The following MEF2C variants were observed in gnomAD, a reference collection of about 807,000 sequenced individuals.
MEF2C encodes the protein myocyte enhancer factor 2C.
Under a neutral mutation model 50.5 loss-of-function variants are expected in MEF2C, and 6 were observed. That is an observed-to-expected ratio of 0.12 (90% CI 0.07 to 0.23). MEF2C has a LOEUF of 0.23. Among genes scored for constraint, MEF2C ranks in the 10% least tolerant of loss-of-function variants. The pLI, the probability that MEF2C is intolerant of heterozygous loss-of-function variation, is 1.00. For synonymous variants in MEF2C, 183 were observed against 228.0 expected, an observed-to-expected ratio of 0.80 and a Z score of 1.78; for missense variants, 276 against 605.0, an observed-to-expected ratio of 0.46 and a Z score of 5.70.
In MEF2C at chr5:88,719,466, A is replaced by T. The variant is rs746315132; in HGVS notation, c.*3138T>A. On this transcript the variant is annotated 3_prime_UTR_variant, in exon 11 of 11. Transcript: ENST00000504921. ...ATTACCAAAAATCTTTTAAAATAGGATTAGATATAACAATACTCGCAGCCG... is the reference window on the plus strand; with the variant it reads ...ATTACCAAAAATCTTTTAAAATAGGTTTAGATATAACAATACTCGCAGCCG... 2.6e-5 allele frequency: 4 copies of T among 152,334 alleles called. No homozygotes were observed. Among genetic ancestry groups the T allele is most frequent in the Non-Finnish European group, 4.4e-5 (3 of 68,018 alleles). The allele number at this position is 152,334 out of a possible 1,614,324, so 9.4% of individuals were successfully genotyped here. A position where few individuals can be genotyped will look rare whatever the true frequency, so the allele number is the denominator to read the frequency against.
intron 4 of MEF2C, among the ~76,000 whole-genome samples, chr5:88,757,013 T>G (rs1010175632): frequency 7.0e-4 from 106 of 152,140 alleles, no homozygotes; most frequent in African/African-American, 2.4e-3. Flanking sequence ...TATTAAGAAC[T>G]TCAAGACAAT....
intron 6 of MEF2C, chr5:88,746,379 T>C (rs1769579188): frequency 5.2e-6 from 2 of 382,864 alleles, no homozygotes; most frequent in Non-Finnish European, 7.2e-6. Flanking sequence ...TTTTAGTATT[T>C]ATAGGCACAA....
intron 1 of MEF2C, chr5:88,844,678 TA>T (rs1398044473): frequency 1.6e-6 from 1 of 616,026 alleles, no homozygotes; most frequent in African/African-American, 2.0e-5. Context: ...AATGCACTTC[TA>T]TTTAAAGTCA....
chr5:88,744,011 G>A (rs953747890), intron 6 of MEF2C: 1 of 965,478 alleles, frequency 1.0e-6, no homozygotes, highest in East Asian at 1.2e-4. Context: ...ATTCCTAAAG[G>A]TTTTTCATTT....
intron 1 of MEF2C, among the ~76,000 whole-genome samples, chr5:88,833,197 A>T (rs1813720267): frequency 6.6e-6 from 1 of 152,170 alleles, no homozygotes; most frequent in African/African-American, 2.4e-5. Context: ...AAAATTCAAA[A>T]TATTTGTTAC....
chr5:88,885,879 A>C (rs981201374), upstream of MEF2C, among the ~76,000 whole-genome samples: 1 of 152,192 alleles, frequency 6.6e-6, no homozygotes, highest in East Asian at 1.9e-4. Flanking sequence ...TCTGTTTACC[A>C]CAGTACACTT....
chr5:88,875,293 A>G (rs556659357), intron 1 of MEF2C, among the ~76,000 whole-genome samples: 1 of 152,086 alleles, frequency 6.6e-6, no homozygotes, highest in African/African-American at 2.4e-5. Flanking sequence ...CTCCCCCTGT[A>G]CTCTCTATTT....
chr5:88,898,083 AT>A (rs904226856), intron 1 of MEF2C, among the ~76,000 whole-genome samples: 5 of 151,434 alleles, frequency 3.3e-5, no homozygotes, highest in Non-Finnish European at 5.9e-5. Context: ...TAATGCCATA[AT>A]TTTTTTTTCT....
rs553992591 is a variant in MEF2C, at chr5:88,832,733, T to A, written c.-142-8803A>T. Among the ~76,000 whole-genome samples, 164 of 152,282 alleles carry A rather than the reference T, an allele frequency of 1.1e-3. 1 individual carries two copies. The Middle Eastern group carries it at 0.017, about 16-fold the overall frequency. On this transcript the variant is annotated intron_variant, in intron 1 of 10. Transcript: ENST00000504921. ...GATGTCAAAGCAGAAACAGTTAAAT[T>A]AATCCCACTATGACTGGTGTCTGAC...
At chr5:88,743,088 C>A in intron 6 of MEF2C, 1 of 970,682 alleles carries the variant, frequency 1.0e-6, no homozygotes, top group Non-Finnish European at 1.2e-6. Context: ...ACTTTCAAAA[C>A]AGAACCCAAC....
At chr5:88,801,924 C>A (rs972812789) in intron 3 of MEF2C, among the ~76,000 whole-genome samples, 3 of 152,134 alleles carry the variant, frequency 2.0e-5, no homozygotes, top group Non-Finnish European at 4.4e-5. Context: ...TCAAGCTTAG[C>A]GGTCCCATCT....
intron 2 of MEF2C, among the ~76,000 whole-genome samples, chr5:88,810,378 CA>C (rs1243911618): frequency 2.2e-4 from 33 of 151,920 alleles, no homozygotes; most frequent in African/African-American, 7.5e-4. Context: ...AAATATACTT[CA>C]AAAAATTCAG....
intron 1 of MEF2C, among the ~76,000 whole-genome samples, chr5:88,835,504 G>A (rs1814714243): frequency 6.6e-6 from 1 of 152,022 alleles, no homozygotes; most frequent in Non-Finnish European, 1.5e-5. Context: ...TATTTTAAAT[G>A]AAAGCGTTTT....
upstream of MEF2C, chr5:88,883,503 T>C (rs1218320307): frequency 3.2e-4 from 3 of 9,270 alleles, no homozygotes; most frequent in East Asian, 4.4e-3. Context: ...AGACTGGGGG[T>C]GGTGGGGGCG....
At chr5:88,781,835 T>C (rs771131806) in intron 3 of MEF2C, among the ~76,000 whole-genome samples, 11 of 152,002 alleles carry the variant, frequency 7.2e-5, no homozygotes, top group Non-Finnish European at 1.2e-4. Flanking sequence ...TAGCCAGGTG[T>C]GGTGGCACAT....
intron 1 of MEF2C, among the ~76,000 whole-genome samples, chr5:88,868,614 T>C (rs1222510213): frequency 6.6e-6 from 1 of 152,046 alleles, no homozygotes; most frequent in Non-Finnish European, 1.5e-5. Flanking sequence ...ACTACAATTC[T>C]CCCCCACCTC....
rs781632867 is a variant in MEF2C, at chr5:88,751,957, T to C, written c.489A>G (p.Ser163=). The C allele has an allele frequency of 2.6e-5, 42 of 1,613,886 alleles. No homozygotes were observed. The highest frequency in any genetic ancestry group is 5.3e-5 in the African/African-American group (4 of 74,928). ...GTGGCAATAGGTTGGGGTTTCCCAGTGAGCTGACAGGGTTGCTGTACACCA... is the reference window on the plus strand; with the variant it reads ...GTGGCAATAGGTTGGGGTTTCCCAGCGAGCTGACAGGGTTGCTGTACACCA... The part of the protein sequence containing the change: ...NSLVYSNPVS[S]LGNPNLLPLA... The change falls in exon 5 of 11, where the codon TCA becomes TCG. Residue 163 remains serine, a synonymous_variant. Coordinates refer to ENST00000504921, the MANE Select transcript of MEF2C (RefSeq NM_002397.5).
chr5:88,750,027 C>T (rs1771907323), intron 5 of MEF2C: 2 of 341,746 alleles, frequency 5.9e-6, no homozygotes, highest in South Asian at 2.4e-4. Context: ...GAGACTCCGT[C>T]TCAAAAAAAA....
intron 1 of MEF2C, among the ~76,000 whole-genome samples, chr5:88,834,592 T>A (rs1302434114): frequency 6.6e-6 from 1 of 152,144 alleles, no homozygotes; most frequent in Non-Finnish European, 1.5e-5. Flanking sequence ...CGCAGTGGAA[T>A]GGACCAAGGG....
Sources: allele counts gnomAD v4.1 joint callset (sites outside exome capture counted in the v4.1 genomes callset), GRCh38; gene constraint gnomAD v4.1.1; transcripts MANE v1.5; gene names NCBI Gene and HGNC (gene_info 2026-07-23, HGNC 2026-07-21).